The following ZBTB20 variants were observed in gnomAD, a reference collection of about 807,000 sequenced individuals.
The protein encoded by ZBTB20 is zinc finger and BTB domain containing 20, also known as zinc finger and BTB domain-containing protein 20.
In ZBTB20, 9 loss-of-function variants were observed where a neutral mutation model predicts 56.9. That is an observed-to-expected ratio of 0.16 (90% CI 0.10 to 0.28). The LOEUF (loss-of-function observed/expected upper bound fraction) is 0.28, where lower values mean the gene tolerates loss of function less well. Among genes scored for constraint, ZBTB20 ranks in the 10% least tolerant of loss-of-function variants. ZBTB20 has a pLI of 1.00. For synonymous variants in ZBTB20, 417 were observed against 420.7 expected (o/e 0.99, Z 0.11); for missense variants, 655 against 1,003.0 (o/e 0.65, Z 4.69).
intron 3 of ZBTB20, among the ~76,000 whole-genome samples, chr3:114,921,050 G>C (rs2107755753): frequency 6.6e-6 from 1 of 152,208 alleles, no homozygotes; most frequent in South Asian, 2.1e-4. Flanking sequence ...ATAAAATTCG[G>C]AACAGATTAA....
In ZBTB20 at chr3:114,329,657, T is replaced by C. The variant is rs1418395787; in HGVS notation, c.*9348A>G. 2 of 145,148 alleles carry C rather than the reference T, an allele frequency of 1.4e-5. No individual in the cohort carries two copies. The highest frequency in any genetic ancestry group is 7.1e-5 in the Admixed American group (1 of 14,136). The allele number at this position is 145,148 out of a possible 1,614,324, so 9.0% of individuals were successfully genotyped here. Reference sequence around the variant, plus strand: ...GATAGATATTTCCAAATTCTATTTCTATTAGCCTCTGTGGATAAAGAGTTC... The same window carrying C: ...GATAGATATTTCCAAATTCTATTTCCATTAGCCTCTGTGGATAAAGAGTTC... On this transcript the variant is annotated 3_prime_UTR_variant, in exon 12 of 12. Coordinates refer to ENST00000675478, the MANE Select transcript of ZBTB20 (RefSeq NM_001348800.3).
intron 1 of ZBTB20, among the ~76,000 whole-genome samples, chr3:115,080,152 AC>A (rs757197932): frequency 6.6e-6 from 1 of 152,092 alleles, no homozygotes; most frequent in Non-Finnish European, 1.5e-5. Flanking sequence ...TATAAAAGAG[AC>A]CCCCAAGAGC....
intron 2 of ZBTB20, among the ~76,000 whole-genome samples, chr3:114,995,275 T>C (rs2078978870): frequency 1.3e-5 from 2 of 151,840 alleles, no homozygotes; most frequent in Non-Finnish European, 2.9e-5. Flanking sequence ...TTTTAAAATA[T>C]GGGTGATGGG....
intron 6 of ZBTB20, among the ~76,000 whole-genome samples, chr3:114,512,277 T>G (rs2045494442): frequency 6.9e-6 from 1 of 145,254 alleles, no homozygotes; most frequent in South Asian, 2.2e-4. Context: ...TCTGAACTTA[T>G]CTTGAGAGTT....
chr3:115,097,627 A>T (rs2083428739), intron 1 of ZBTB20, among the ~76,000 whole-genome samples: 1 of 152,178 alleles, frequency 6.6e-6, no homozygotes, highest in South Asian at 2.1e-4. Flanking sequence ...TGGGTGTGTT[A>T]GGTAACTGTC....
intron 8 of ZBTB20, among the ~76,000 whole-genome samples, chr3:114,386,318 A>C (rs2085121028): frequency 6.6e-6 from 1 of 151,782 alleles, no homozygotes; most frequent in Non-Finnish European, 1.5e-5. Flanking sequence ...TTTTTTTTTC[A>C]GTATAATTTC....
At chr3:114,844,188 C>G (rs2074533010) in intron 4 of ZBTB20, among the ~76,000 whole-genome samples, 2 of 151,098 alleles carry the variant, frequency 1.3e-5, no homozygotes, top group Non-Finnish European at 2.9e-5. Context: ...AGTCAATATA[C>G]TGAGTGAAAG....
Position 114,420,917 on chromosome 3 carries a change from C to T in ZBTB20, c.-254-31812G>A, listed in dbSNP as rs142747427. On this transcript the variant is annotated intron_variant, in intron 7 of 11. Coordinates refer to ENST00000675478, the MANE Select transcript of ZBTB20 (RefSeq NM_001348800.3). ...TTTTCTGTCCTGCTGAAGCCAGATACAGACAAATCTAGAGAACCAGTTTTA... is the reference window on the plus strand; with the variant it reads ...TTTTCTGTCCTGCTGAAGCCAGATATAGACAAATCTAGAGAACCAGTTTTA... 3.7e-3 allele frequency among the ~76,000 whole-genome samples: 557 copies of T among 152,232 alleles called. 3 individuals are homozygous for T. Among genetic ancestry groups the T allele is most frequent in the African/African-American group, 0.012 (517 of 41,546 alleles).
chr3:114,418,121 A>C (rs1179920132), intron 7 of ZBTB20, among the ~76,000 whole-genome samples: 1 of 150,466 alleles, frequency 6.6e-6, no homozygotes, highest in Non-Finnish European at 1.5e-5. Flanking sequence ...AGGAAGAAGG[A>C]TCAACCTTGA....
chr3:114,653,167 C>T (rs1241182235), intron 6 of ZBTB20, among the ~76,000 whole-genome samples: 1 of 151,848 alleles, frequency 6.6e-6, no homozygotes, highest in East Asian at 1.9e-4. Flanking sequence ...ATCTTTAGAA[C>T]AACGCTGAAC....
At chr3:115,021,411 G>A (rs2080198765) in intron 2 of ZBTB20, among the ~76,000 whole-genome samples, 1 of 150,738 alleles carries the variant, frequency 6.6e-6, no homozygotes, top group African/African-American at 2.4e-5. Context: ...CATATATATA[G>A]TATCTGTGTG....
chr3:114,910,453 C>G (rs1331729664), intron 3 of ZBTB20, among the ~76,000 whole-genome samples: 1 of 151,652 alleles, frequency 6.6e-6, no homozygotes, highest in African/African-American at 2.4e-5. Flanking sequence ...GTATAAGGCC[C>G]TTGAACACTG....
intron 5 of ZBTB20, among the ~76,000 whole-genome samples, chr3:114,706,943 C>A (rs1578442808): frequency 6.6e-6 from 1 of 151,980 alleles, no homozygotes; most frequent in African/African-American, 2.4e-5. Flanking sequence ...GCAACTACAG[C>A]CAAGAGAAGG....
chr3:114,546,665 A>T (rs1449070393), intron 6 of ZBTB20, among the ~76,000 whole-genome samples: 2 of 151,832 alleles, frequency 1.3e-5, no homozygotes, highest in African/African-American at 4.8e-5. Context: ...AAAAAGTTGC[A>T]CGTGGAGAAT....
chr3:114,717,674 AATGT>A (rs1446750153), intron 5 of ZBTB20, among the ~76,000 whole-genome samples: 1 of 152,102 alleles, frequency 6.6e-6, no homozygotes, highest in Non-Finnish European at 1.5e-5. Context: ...TTCATAACAA[AATGT>A]ATTAGAAAAA....
chr3:114,900,498 T>C (rs552307692), intron 3 of ZBTB20, 156 bp from the exon 4 acceptor site: 1 of 130,236 alleles, frequency 7.7e-6, no homozygotes, highest in African/African-American at 2.8e-5. Context: ...ATATTTCATA[T>C]ATCTGAAAAT....
intron 4 of ZBTB20, among the ~76,000 whole-genome samples, chr3:114,877,358 A>G (rs945396673): frequency 2.0e-5 from 3 of 152,232 alleles, no homozygotes; most frequent in East Asian, 1.9e-4. Flanking sequence ...TAAGAAGTTC[A>G]TATTAGAGAG....
chr3:114,698,982 A>G (rs2063228174), intron 5 of ZBTB20, among the ~76,000 whole-genome samples: 1 of 152,160 alleles, frequency 6.6e-6, no homozygotes, highest in Admixed American at 6.6e-5. Context: ...CTGAAAAAAT[A>G]TATTCCGATG....
intron 4 of ZBTB20, among the ~76,000 whole-genome samples, chr3:114,845,465 A>G (rs915572692): frequency 6.6e-6 from 1 of 151,310 alleles, no homozygotes; most frequent in Non-Finnish European, 1.5e-5. Flanking sequence ...GAAATTCCAT[A>G]GAACTTAAAT....
Sources: gnomAD v4.1 joint callset for allele counts (sites outside exome capture counted in the v4.1 genomes callset) on GRCh38, gnomAD v4.1.1 for gene constraint, MANE v1.5 for transcripts, NCBI Gene and HGNC (gene_info 2026-07-23, HGNC 2026-07-21) for gene names.